The following FOXP2 variants were observed in gnomAD, a reference collection of about 807,000 sequenced individuals.
FOXP2 encodes the protein forkhead box P2, also known as forkhead box protein P2.
FOXP2 carries 12 observed loss-of-function variants against 115.8 expected under a neutral mutation model. The observed-to-expected ratio is 0.10, with a 90% CI of 0.07 to 0.17. FOXP2 has a LOEUF of 0.17. Ranked by LOEUF, FOXP2 falls within the 10% of genes least tolerant of loss-of-function variation. The probability of loss-of-function intolerance (pLI) is 1.00; values close to 1 mark genes in which losing one functional copy is unlikely to be tolerated. For synonymous variants in FOXP2, 328 were observed against 297.7 expected (o/e 1.10, Z -1.05); for missense variants, 629 against 843.5 (o/e 0.75, Z 3.15).
chr7:114,400,069 A>T (rs910362384), intron 2 of FOXP2, among the ~76,000 whole-genome samples: 2 of 151,874 alleles, frequency 1.3e-5, no homozygotes, highest in African/African-American at 2.4e-5. Context: ...CATCTTGGCC[A>T]GGCTTGTCTT....
At chr7:114,169,191 G>T (rs1793067297) in intron 1 of FOXP2, among the ~76,000 whole-genome samples, 1 of 152,056 alleles carries the variant, frequency 6.6e-6, no homozygotes, top group African/African-American at 2.4e-5. Flanking sequence ...CCGTCCTCCA[G>T]CCCCCAGAAC....
intron 1 of FOXP2, among the ~76,000 whole-genome samples, chr7:114,196,903 A>G (rs1793926721): frequency 6.6e-6 from 1 of 152,168 alleles, no homozygotes; most frequent in Non-Finnish European, 1.5e-5. Context: ...GTAACACCCC[A>G]AATTTGGGCT....
intron 2 of FOXP2, among the ~76,000 whole-genome samples, chr7:114,343,730 G>A (rs74500104): frequency 2.0e-5 from 3 of 151,618 alleles, no homozygotes; most frequent in Non-Finnish European, 4.4e-5. Context: ...ATAGCTGCAT[G>A]GCTAATTCCT....
Position 114,284,104 on chromosome 7 carries a change from A to G in FOXP2, c.-101-3915A>G, listed in dbSNP as rs1398645657. Among the ~76,000 whole-genome samples, 7 of 152,286 alleles carry G rather than the reference A, an allele frequency of 4.6e-5. No individual in the cohort carries two copies. In the East Asian group the frequency reaches 1.3e-3, roughly 29 times the overall value. ...TGAGTGATGTTCTTTTGCCTGCCAC[A>G]GCATACCTCAACAAATTTGTAATCC... On this transcript the variant is annotated intron_variant, in intron 1 of 17. Coordinates refer to the FOXP2 transcript ENST00000634411.
intron 2 of FOXP2, among the ~76,000 whole-genome samples, chr7:114,477,369 C>T (rs1053980755): frequency 1.3e-5 from 2 of 151,946 alleles, no homozygotes; most frequent in Non-Finnish European, 2.9e-5. Context: ...ATGGATGTAG[C>T]TAGAGGCCAT....
chr7:114,442,972 AAAGGAT>A (rs1276147265), intron 2 of FOXP2, among the ~76,000 whole-genome samples: 3 of 152,188 alleles, frequency 2.0e-5, no homozygotes, highest in African/African-American at 2.4e-5. Context: ...TTCCAAGTGT[AAAGGAT>A]TATTCCAAGT....
At chr7:114,655,471 T>C (rs1233350288) in intron 10 of FOXP2, among the ~76,000 whole-genome samples, 3 of 152,152 alleles carry the variant, frequency 2.0e-5, no homozygotes, top group Non-Finnish European at 4.4e-5. Context: ...TACAGAATCT[T>C]AGATGAGCGA....
At chr7:114,503,218 T>C (rs1345005919) in intron 2 of FOXP2, among the ~76,000 whole-genome samples, 2 of 151,956 alleles carry the variant, frequency 1.3e-5, no homozygotes, top group African/African-American at 4.8e-5. Context: ...TCAATCATTT[T>C]TTTGGTTCAA....
chr7:114,125,354 C>T (rs1791680190), intron 1 of FOXP2, among the ~76,000 whole-genome samples: 3 of 152,080 alleles, frequency 2.0e-5, no homozygotes, highest in Admixed American at 6.6e-5. Context: ...AGTTATTATT[C>T]AGAATGAATA....
chr7:114,348,732 A>G (rs1203578844), intron 2 of FOXP2, among the ~76,000 whole-genome samples: 1 of 152,144 alleles, frequency 6.6e-6, no homozygotes. Flanking sequence ...AAAATTCTAT[A>G]AAGTATGCTT....
chr7:114,114,166 G>A (rs1791344170), intron 1 of FOXP2, among the ~76,000 whole-genome samples: 1 of 151,650 alleles, frequency 6.6e-6, no homozygotes, highest in Admixed American at 6.6e-5. Flanking sequence ...TTGCCTTTGT[G>A]ATTACTGGCA....
At chr7:114,208,641 C>T (rs1794261354) in intron 1 of FOXP2, among the ~76,000 whole-genome samples, 1 of 151,886 alleles carries the variant, frequency 6.6e-6, no homozygotes, top group Admixed American at 6.6e-5. Context: ...CCCACAATTC[C>T]AATGTGTTGT....
intron 1 of FOXP2, among the ~76,000 whole-genome samples, chr7:114,120,208 T>C (rs1791520608): frequency 6.6e-6 from 1 of 152,112 alleles, no homozygotes. Flanking sequence ...AGTTGATCAA[T>C]GTGGCTAGAT....
chr7:114,256,456 A>T (rs1036573469), intron 1 of FOXP2, among the ~76,000 whole-genome samples: 3 of 152,054 alleles, frequency 2.0e-5, no homozygotes, highest in Admixed American at 6.6e-5. Flanking sequence ...ATGACCATTG[A>T]TGTTGAGCTT....
chr7:114,516,650 C>G (rs546416175), intron 2 of FOXP2, among the ~76,000 whole-genome samples: 7 of 151,886 alleles, frequency 4.6e-5, no homozygotes, highest in East Asian at 1.9e-4. Context: ...GTTTCACATC[C>G]TAACCAATAC....
chr7:114,690,060 A>T lies in FOXP2; in HGVS notation c.*134A>T. The stretch of plus-strand genomic sequence containing the variant: ...GGATAAAGGAGACAGCCCTAAAGGA[A>T]CTTACTAAGCCAGCCCTTTGGGATT... On this transcript the variant is annotated 3_prime_UTR_variant, in exon 17 of 17. Transcript: ENST00000350908. 1 of 1,081,288 alleles carries T rather than the reference A, an allele frequency of 9.2e-7. No individual in the cohort carries two copies. The highest frequency in any genetic ancestry group is 1.8e-5 in the Admixed American group (1 of 55,538). 67.0% of individuals were successfully genotyped at this position (1,081,288 alleles called of 1,614,324 possible).
chr7:114,279,696 G>GAA (rs1033942655), intron 1 of FOXP2, among the ~76,000 whole-genome samples: 5 of 151,706 alleles, frequency 3.3e-5, no homozygotes, highest in Non-Finnish European at 7.4e-5. Context: ...AGAGGGAAAT[G>GAA]AAAAAATGTA....
intron 1 of FOXP2, among the ~76,000 whole-genome samples, chr7:114,236,285 A>T (rs963394028): frequency 3.3e-5 from 5 of 152,220 alleles, no homozygotes; most frequent in African/African-American, 9.6e-5. Flanking sequence ...TTTCTGTAGG[A>T]TGGAAAAAAT....
intron 2 of FOXP2, among the ~76,000 whole-genome samples, chr7:114,308,055 G>T (rs1331673044): frequency 6.6e-6 from 1 of 152,004 alleles, no homozygotes; most frequent in Non-Finnish European, 1.5e-5. Flanking sequence ...TTTTCACTTA[G>T]TGCCGGGATT....
Sources: allele counts gnomAD v4.1 joint callset (sites outside exome capture counted in the v4.1 genomes callset), GRCh38; gene constraint gnomAD v4.1.1; transcripts MANE v1.5; gene names NCBI Gene and HGNC (gene_info 2026-07-23, HGNC 2026-07-21).